FARP1: variants seen among roughly 807,000 people sequenced by gnomAD.
FARP1 encodes the protein FERM, ARH/RhoGEF and pleckstrin domain protein 1, also known as FERM, ARHGEF and pleckstrin domain-containing protein 1.
In FARP1, 52 loss-of-function variants were observed where a neutral mutation model predicts 128.8. The observed-to-expected ratio is 0.40, with a 90% CI of 0.32 to 0.51. The LOEUF is 0.51. Ranked by LOEUF, FARP1 falls within the 20% of genes least tolerant of loss-of-function variation. The pLI is 0.45. For missense variants in FARP1, 1,333 were observed against 1,367.9 expected (o/e 0.97, Z 0.40); for synonymous variants, 580 against 551.8 (o/e 1.05, Z -0.72).
intron 2 of FARP1, chr13:98,333,632 G>C (rs1285016563): frequency 6.6e-6 from 1 of 152,348 alleles, no homozygotes; most frequent in African/African-American, 2.4e-5. Flanking sequence ...CTAATCTGAA[G>C]TGTGTTTAAC....
At chr13:98,378,941 ATATAT>A (rs1889718121) in intron 6 of FARP1, among the ~76,000 whole-genome samples, 1 of 108,560 alleles carries the variant, frequency 9.2e-6, no homozygotes, top group Non-Finnish European at 1.8e-5. Flanking sequence ...TATATAATCT[ATATAT>A]AATATATATA....
intron 25 of FARP1, 65 bp downstream of exon 25, chr13:98,446,270 C>A: frequency 2.9e-6 from 3 of 1,028,128 alleles, no homozygotes; most frequent in Non-Finnish European, 4.5e-6. Context: ...GGTGAGGGGG[C>A]CGCCCTCCTC....
intron 2 of FARP1, among the ~76,000 whole-genome samples, chr13:98,242,186 G>A (rs1396357528): frequency 6.6e-6 from 1 of 152,106 alleles, no homozygotes; most frequent in Non-Finnish European, 1.5e-5. Context: ...TGTTGTTTGA[G>A]ATCTATTAAA....
chr13:98,285,697 C>T (rs564785900), intron 2 of FARP1, among the ~76,000 whole-genome samples: 1 of 152,210 alleles, frequency 6.6e-6, no homozygotes, highest in Non-Finnish European at 1.5e-5. Flanking sequence ...GACTCTCTTC[C>T]TTTATGGAGA....
At chr13:98,270,606 C>T (rs893623701) in intron 2 of FARP1, among the ~76,000 whole-genome samples, 11 of 152,114 alleles carry the variant, frequency 7.2e-5, no homozygotes, top group Admixed American at 2.6e-4. Flanking sequence ...TGCAGGAAAC[C>T]GATGAGTTTG....
chr13:98,171,443 C>G (rs1327355995), intron 1 of FARP1, among the ~76,000 whole-genome samples: 1 of 152,184 alleles, frequency 6.6e-6, no homozygotes, highest in East Asian at 1.9e-4. Context: ...ACTTATGATA[C>G]AAATCATCAC....
In FARP1 at chr13:98,412,021, C is replaced by T. The variant is rs1227162641; in HGVS notation, c.1813C>T (p.Arg605Ter). 4.3e-6 allele frequency: 7 copies of T among 1,613,968 alleles called. No homozygotes were observed. Among genetic ancestry groups the T allele is most frequent in the Non-Finnish European group, 5.9e-6 (7 of 1,179,946 alleles). Residue 605 changes from arginine to a stop codon, truncating the protein, a stop_gained, in exon 16 of 27, where the codon CGA (arginine) becomes TGA (stop). Coordinates refer to ENST00000319562, the MANE Select transcript of FARP1 (RefSeq NM_005766.4). LOFTEE classifies it high-confidence loss of function. ...HTNFLKEIEQ[R>*]LALWEGRSNA... is the part of the protein sequence containing the mutation. Reference sequence around the variant, plus strand: ...TAATTTTCTCAAGGAAATTGAGCAACGACTTGCCCTGTGGTGAGTACATTT... The same window carrying T: ...TAATTTTCTCAAGGAAATTGAGCAATGACTTGCCCTGTGGTGAGTACATTT...
chr13:98,153,567 T>TA (rs397946075), intron 1 of FARP1, among the ~76,000 whole-genome samples: 27 of 97,480 alleles, frequency 2.8e-4, no homozygotes, highest in South Asian at 1.9e-3. Context: ...TTTATATATA[T>TA]TATATATATA....
At chr13:98,399,420 T>A (rs9584834) in intron 13 of FARP1, 4,088 of 152,310 alleles carry the variant, frequency 0.027, 156 homozygotes, top group African/African-American at 0.091. Context: ...TTGGGGAGAC[T>A]CCAGTCCCCC....
chr13:98,313,214 A>G (rs2139754311), intron 2 of FARP1, among the ~76,000 whole-genome samples: 1 of 145,796 alleles, frequency 6.9e-6, no homozygotes, highest in Middle Eastern at 3.6e-3. Flanking sequence ...ACACACACAC[A>G]TACACTCTGG....
At chr13:98,167,050 G>T (rs1237764854) in intron 1 of FARP1, among the ~76,000 whole-genome samples, 1 of 151,930 alleles carries the variant, frequency 6.6e-6, no homozygotes, top group African/African-American at 2.4e-5. Flanking sequence ...TTGTCATTTT[G>T]CACTTTTCTT....
intron 3 of FARP1, among the ~76,000 whole-genome samples, chr13:98,357,952 G>A (rs775760854): frequency 2.2e-4 from 33 of 152,114 alleles, no homozygotes; most frequent in Non-Finnish European, 4.6e-4. Flanking sequence ...ACTAAAGCGT[G>A]ACTCTTCAGC....
intron 18 of FARP1, chr13:98,435,094 G>T (rs957721075): frequency 6.5e-6 from 1 of 153,224 alleles, no homozygotes; most frequent in African/African-American, 2.4e-5. Context: ...CTGGGGTGTG[G>T]TGGAATGTTA....
chr13:98,198,715 A>G (rs1566730760), intron 1 of FARP1, among the ~76,000 whole-genome samples: 2 of 151,756 alleles, frequency 1.3e-5, no homozygotes, highest in Non-Finnish European at 2.9e-5. Context: ...TGTCTCTACT[A>G]AAAATAGAAA....
intron 16 of FARP1, among the ~76,000 whole-genome samples, chr13:98,423,962 G>A (rs1891686606): frequency 6.6e-6 from 1 of 152,066 alleles, no homozygotes; most frequent in Admixed American, 6.6e-5. Flanking sequence ...TCCCCTCCAC[G>A]CCTCTCTCTC....
In FARP1 at chr13:98,453,826, T is replaced by A. The variant is rs564709430; in HGVS notation, c.*5509T>A. Reference sequence around the variant, plus strand: ...ATTATCTGTATTTACATATATATATTAAAGCAATATTAAAAATATGTACAA... The same window carrying A: ...ATTATCTGTATTTACATATATATATAAAAGCAATATTAAAAATATGTACAA... On this transcript the variant is annotated 3_prime_UTR_variant, in exon 27 of 27. Coordinates refer to ENST00000319562, the MANE Select transcript of FARP1 (RefSeq NM_005766.4). 1 of 150,840 alleles carries A rather than the reference T, an allele frequency of 6.6e-6. No homozygotes were observed. Among genetic ancestry groups the A allele is most frequent in the South Asian group, 2.1e-4 (1 of 4,764 alleles). The allele number at this position is 150,840 out of a possible 1,614,324, so 9.3% of individuals were successfully genotyped here.
chr13:98,276,559 G>A (rs888878731), intron 2 of FARP1, among the ~76,000 whole-genome samples: 7 of 140,804 alleles, frequency 5.0e-5, no homozygotes, highest in South Asian at 2.7e-4. Context: ...AGGGGATGTG[G>A]ATAACTTTTT....
chr13:98,179,242 G>C (rs540567065), intron 1 of FARP1, among the ~76,000 whole-genome samples: 1 of 152,134 alleles, frequency 6.6e-6, no homozygotes, highest in Non-Finnish European at 1.5e-5. Context: ...AAGTGAAAGG[G>C]GTTTGCCCTT....
At chr13:98,343,057 A>G (rs1455817006) in intron 2 of FARP1, among the ~76,000 whole-genome samples, 3 of 152,158 alleles carry the variant, frequency 2.0e-5, no homozygotes, top group Admixed American at 6.5e-5. Context: ...AGGATCTTAT[A>G]TGCATATTAC....
Sources: gnomAD v4.1 joint callset for allele counts (sites outside exome capture counted in the v4.1 genomes callset) on GRCh38, gnomAD v4.1.1 for gene constraint, MANE v1.5 for transcripts, NCBI Gene and HGNC (gene_info 2026-07-23, HGNC 2026-07-21) for gene names.